The following PKHD1L1 variants were observed in gnomAD, a reference collection of about 807,000 sequenced individuals.
The protein encoded by PKHD1L1 is fibrocystin-L.
PKHD1L1 carries 434 observed loss-of-function variants against 462.9 expected under a neutral mutation model. The ratio of observed to expected loss-of-function variants is 0.94; its 90% confidence interval spans 0.87 to 1.02. The LOEUF (loss-of-function observed/expected upper bound fraction) is 1.02. PKHD1L1 is among the 50% of genes least tolerant of loss of function. PKHD1L1 has a pLI of 0.00. For synonymous variants in PKHD1L1, 1,781 were observed against 1,750.0 expected (o/e 1.02, Z -0.44); for missense variants, 5,202 against 5,096.1 (o/e 1.02, Z -0.63).
intron 23 of PKHD1L1, among the ~76,000 whole-genome samples, chr8:109,421,496 T>C (rs1384935206): frequency 1.3e-5 from 2 of 152,110 alleles, no homozygotes; most frequent in Non-Finnish European, 2.9e-5. Flanking sequence ...GAAAATATAA[T>C]AACTGGCCGG....
intron 71 of PKHD1L1, among the ~76,000 whole-genome samples, chr8:109,514,854 C>T (rs1820181178): frequency 6.6e-6 from 1 of 152,056 alleles, no homozygotes; most frequent in African/African-American, 2.4e-5. Flanking sequence ...TCTTTCCCTG[C>T]TCCTGATATT....
rs745890307 is a variant in PKHD1L1, at chr8:109,445,641, C to A, written c.5772C>A (p.Ser1924Arg). The change falls in exon 38 of 78, where the codon AGC becomes AGA. Residue 1924 changes from serine to arginine, a missense_variant. Physicochemically the swap from Ser to Arg is moderately radical, Grantham distance 110. Around this residue, in one of 3 missense-constraint regions of PKHD1L1, gnomAD observed 4,497 missense variants for 4,336.8 expected, o/e 1.04. Coordinates refer to ENST00000378402, the MANE Select transcript of PKHD1L1 (RefSeq NM_177531.6). ...CATTTCTCAGAGGAATTATCCCAAG[C>A]AGAGGTACTCCAATATCTGCCTTAT... Reference protein sequence around the residue: ...DTPFLRGIIPSRGPPGTEIEI... With the variant: ...DTPFLRGIIPRRGPPGTEIEI... The A allele has an allele frequency of 3.7e-6, 6 of 1,600,186 alleles. No individual in the cohort carries two copies. Among genetic ancestry groups the A allele is most frequent in the Non-Finnish European group, 5.1e-6 (6 of 1,169,654 alleles).
At position 109,394,484 on chromosome 8, in the gene PKHD1L1, A is replaced by G; in HGVS notation, c.810A>G (p.Ala270=). The G allele has an allele frequency of 6.6e-7, 1 of 1,504,080 alleles. No homozygotes were observed. The highest frequency in any genetic ancestry group is 8.9e-7 in the Non-Finnish European group (1 of 1,119,526). 93.2% of individuals were successfully genotyped at this position (1,504,080 alleles called of 1,614,324 possible). A position where few individuals can be genotyped will look rare whatever the true frequency, so the allele number is the denominator to read the frequency against. The change falls in exon 10 of 78, where the codon GCA becomes GCG. Residue 270 remains alanine (A), a splice_region_variant and synonymous_variant. Coordinates refer to ENST00000378402, the MANE Select transcript of PKHD1L1 (RefSeq NM_177531.6). ...LNKIAMFQTY[A]EVTMIFPSQG... Reference sequence around the variant, plus strand: ...AAATTGCAATGTTTCAAACATATGCAGGTATGTGACTTTTCTTTCACTCTG... The same window carrying G: ...AAATTGCAATGTTTCAAACATATGCGGGTATGTGACTTTTCTTTCACTCTG...
At chr8:109,373,455 G>C (rs747805630) in intron 2 of PKHD1L1, among the ~76,000 whole-genome samples, 16 of 150,120 alleles carry the variant, frequency 1.1e-4, no homozygotes, top group African/African-American at 2.7e-4. Flanking sequence ...CAAAAAACCA[G>C]CTCCTGGATT....
At chr8:109,481,891 A>C (rs1339052700) in intron 56 of PKHD1L1, among the ~76,000 whole-genome samples, 1 of 151,824 alleles carries the variant, frequency 6.6e-6, no homozygotes, top group East Asian at 1.9e-4. Context: ...GGTTTTCTTC[A>C]TACAGTTTTC....
At chr8:109,381,939 A>G (rs1433902974) in intron 3 of PKHD1L1, among the ~76,000 whole-genome samples, 1 of 152,176 alleles carries the variant, frequency 6.6e-6, no homozygotes, top group Non-Finnish European at 1.5e-5. Context: ...GCCCAAATTC[A>G]TGTATGTTAT....
chr8:109,373,750 A>C (rs1346494454), intron 2 of PKHD1L1, among the ~76,000 whole-genome samples: 1 of 152,082 alleles, frequency 6.6e-6, no homozygotes, highest in African/African-American at 2.4e-5. Flanking sequence ...TTCTGCCTTC[A>C]TTTTATTATG....
chr8:109,479,440 T>A, intron 53 of PKHD1L1, 111 bp from the exon 54 acceptor site: 1 of 724,488 alleles, frequency 1.4e-6, no homozygotes, highest in South Asian at 1.9e-5. Flanking sequence ...GCATTTTTTT[T>A]CTTCTCTACC....
chr8:109,437,202 C>T (rs1013232376), intron 30 of PKHD1L1, among the ~76,000 whole-genome samples: 2 of 152,148 alleles, frequency 1.3e-5, no homozygotes, highest in Middle Eastern at 3.2e-3. Flanking sequence ...ACGTGAGCCA[C>T]CACGCCTGGC....
Position 109,448,333 on chromosome 8 carries a change from C to CATGT in PKHD1L1, c.5968_5971dup (p.Ser1991TyrfsTer7), listed in dbSNP as rs762611394. ...TGCATCATAAGACAAAAGGCTCAGC[C>CATGT]ATGTCCACAGTTGTATTTGAGTACC... is the stretch of plus-strand genomic sequence containing the variant. On this transcript the variant is annotated frameshift_variant, in exon 39 of 78. Coordinates refer to ENST00000378402, the MANE Select transcript of PKHD1L1 (RefSeq NM_177531.6). LOFTEE classifies it high-confidence loss of function. 12 of 1,613,520 alleles carry CATGT rather than the reference C, an allele frequency of 7.4e-6. No homozygotes were observed. The African/African-American group carries it at 1.6e-4, about 22-fold the overall frequency.
chr8:109,504,216 G>T, intron 67 of PKHD1L1, 111 bp from the exon 68 acceptor site: 2 of 631,786 alleles, frequency 3.2e-6, no homozygotes. Flanking sequence ...TCAGGCAAGA[G>T]CTCCATGTTT....
chr8:109,416,857 C>A (rs1358293929), intron 21 of PKHD1L1, among the ~76,000 whole-genome samples: 4 of 152,126 alleles, frequency 2.6e-5, no homozygotes, highest in Non-Finnish European at 5.9e-5. Context: ...AAAGGGACAT[C>A]TGAGGTACAT....
At chr8:109,449,232 T>G (rs1396968616) in intron 39 of PKHD1L1, 106 bp from the exon 40 acceptor site, 1 of 1,136,746 alleles carries the variant, frequency 8.8e-7, no homozygotes, top group South Asian at 2.1e-5. Flanking sequence ...AACTCTTCAT[T>G]TAATGTAACT....
Position 109,535,492 on chromosome 8 carries a change from T to C in PKHD1L1, c.*5402T>C, listed in dbSNP as rs549495861. 1.3e-5 allele frequency among the ~76,000 whole-genome samples: 2 copies of C among 152,342 alleles called. No homozygotes were observed. The highest frequency in any genetic ancestry group is 4.1e-4 in the South Asian group (2 of 4,830). ...TATAGATTTAAATTAATTTTCACTG[T>C]ATGAAATGTACAGTATACATAGACC... On this transcript the variant is annotated 3_prime_UTR_variant, in exon 78 of 78. Coordinates refer to ENST00000378402, the MANE Select transcript of PKHD1L1 (RefSeq NM_177531.6).
chr8:109,409,700 T>C (rs1407912898), intron 18 of PKHD1L1, among the ~76,000 whole-genome samples, 165 bp from the exon 19 acceptor site: 1 of 152,196 alleles, frequency 6.6e-6, no homozygotes, highest in Non-Finnish European at 1.5e-5. Flanking sequence ...ACTAAAATTA[T>C]CACACTAACT....
At chr8:109,450,860 GGAAAAGGAAGATGATTGTGT>G (rs1227594502) in intron 40 of PKHD1L1, 95 bp from the exon 41 acceptor site, 14 of 1,048,416 alleles carry the variant, frequency 1.3e-5, no homozygotes, top group Non-Finnish European at 1.9e-5. Flanking sequence ...TAGGTATATT[GGAAAAGGAAGATGATTGTGT>G]GAAAAGGAAG....
intron 2 of PKHD1L1, among the ~76,000 whole-genome samples, chr8:109,373,596 T>C (rs911363129): frequency 1.3e-5 from 2 of 152,240 alleles, no homozygotes; most frequent in African/African-American, 4.8e-5. Flanking sequence ...ATTGTAATGT[T>C]AGGGTGTCAA....
In PKHD1L1 at chr8:109,476,659, A is replaced by AT; in HGVS notation, c.8911dup (p.Tyr2971LeufsTer8). 6.3e-7 allele frequency: 1 copy of AT among 1,593,410 alleles called. No individual in the cohort carries two copies. Among genetic ancestry groups the AT allele is most frequent in the Non-Finnish European group, 8.5e-7 (1 of 1,170,154 alleles). The stretch of plus-strand genomic sequence containing the variant: ...CTTGAAGCAAACACTAGTACTCTAT[A>AT]TTACTTGGGTATGTGTCATTAGGCA... On this transcript the variant is annotated frameshift_variant, in exon 52 of 78. Transcript: ENST00000378402. LOFTEE classifies it high-confidence loss of function.
chr8:109,493,759 T>C lies in PKHD1L1; in HGVS notation c.10327+8T>C. The C allele has an allele frequency of 6.4e-7, 1 of 1,569,502 alleles. No individual in the cohort carries two copies. Among genetic ancestry groups the C allele is most frequent in the Non-Finnish European group, 8.6e-7 (1 of 1,156,450 alleles). On this transcript the variant is annotated splice_region_variant and intron_variant, in intron 63 of 77. Transcript: ENST00000378402. ...ATGGTGAACCTTGCCCAGGTAAGTC[T>C]TTTAAACCAGGAATCGCTAAAACTA...
Sources: gnomAD v4.1 joint callset for allele counts (sites outside exome capture counted in the v4.1 genomes callset) on GRCh38, gnomAD v4.1.1 for gene constraint, gnomAD v4.1.1 regional missense constraint, MANE v1.5 for transcripts, NCBI Gene and HGNC (gene_info 2026-07-23, HGNC 2026-07-21) for gene names.